ANGPTL3: variants seen among roughly 807,000 people sequenced by gnomAD.
The protein encoded by ANGPTL3 is angiopoietin-related protein 3.
A neutral mutation model predicts 52.7 loss-of-function variants in ANGPTL3; 51 were observed. The ratio of observed to expected loss-of-function variants is 0.97; its 90% CI spans 0.77 to 1.22. ANGPTL3 has a LOEUF of 1.22. ANGPTL3 is among the 50% of genes most tolerant of loss of function. ANGPTL3 has a pLI of 0.00. For synonymous variants in ANGPTL3, 185 were observed against 179.8 expected (o/e 1.03, Z -0.23); for missense variants, 506 against 520.7 (o/e 0.97, Z 0.27).
At chr1:62,598,231 GT>G (rs1250979677) in intron 1 of ANGPTL3, among the ~76,000 whole-genome samples, 170 bp downstream of exon 1, 2 of 151,676 alleles carry the variant, frequency 1.3e-5, no homozygotes, top group Non-Finnish European at 2.9e-5. Flanking sequence ...TTTCAAGTTA[GT>G]TTTTTGTTTC....
Position 62,604,653 on chromosome 1 carries a change from G to T in ANGPTL3, c.1219G>T (p.Glu407Ter). ...GYSGGWWWHDECGENNLNGKY... is the reference protein window; with the variant it reads ...GYSGGWWWHD ...TTTAGGAGGCTGGTGGTGGCATGAT[G>T]AGTGTGGAGAAAACAACCTAAATGG... The change falls in exon 7 of 7, where the codon GAG (glutamate) becomes TAG (stop). Residue 407 changes from glutamate (E) to a stop codon, truncating the protein, a stop_gained. Coordinates refer to ENST00000371129, the MANE Select transcript of ANGPTL3 (RefSeq NM_014495.4). LOFTEE classifies it high-confidence loss of function. 1 of 1,613,186 alleles carries T rather than the reference G, an allele frequency of 6.2e-7. No homozygotes were observed. Among genetic ancestry groups the T allele is most frequent in the Non-Finnish European group, 8.5e-7 (1 of 1,179,348 alleles).
chr1:62,604,463 T>C, intron 6 of ANGPTL3, 170 bp from the exon 7 acceptor site: 1 of 894,828 alleles, frequency 1.1e-6, no homozygotes, highest in Non-Finnish European at 1.7e-6. Context: ...TATAGATTAT[T>C]TATACAGATT....
Position 62,605,796 on chromosome 1 carries a change from T to G in ANGPTL3, c.*979T>G, listed in dbSNP as rs982055993. ...GACCCAGTCCCTAAATTATAGAAAT[T>G]TAAATTATTCTTGCATGTTTATCGA... On this transcript the variant is annotated 3_prime_UTR_variant, in exon 7 of 7. Coordinates refer to ENST00000371129, the MANE Select transcript of ANGPTL3 (RefSeq NM_014495.4). 1.3e-5 allele frequency: 2 copies of G among 152,152 alleles called. No homozygotes were observed. Among genetic ancestry groups the G allele is most frequent in the Admixed American group, 1.3e-4 (2 of 15,254 alleles). The allele number at this position is 152,152 out of a possible 1,614,324, so 9.4% of individuals were successfully genotyped here. A position where few individuals can be genotyped will look rare whatever the true frequency, so the allele number is the denominator to read the frequency against.
chr1:62,604,024 T>C lies in ANGPTL3; in HGVS notation c.987T>C (p.Tyr329=), dbSNP rs747160820. ...KIYSIVKQSN[Y]VLRIELEDWK... Reference sequence around the variant, plus strand: ...ACTCCATAGTGAAGCAATCTAATTATGTTTTACGAATTGAGTTGGAAGACT... The same window carrying C: ...ACTCCATAGTGAAGCAATCTAATTACGTTTTACGAATTGAGTTGGAAGACT... The change falls in exon 6 of 7, where the codon TAT becomes TAC. Residue 329 remains tyrosine, a synonymous_variant. Coordinates refer to ENST00000371129, the MANE Select transcript of ANGPTL3 (RefSeq NM_014495.4). 1 of 1,613,154 alleles carries C rather than the reference T, an allele frequency of 6.2e-7. No individual in the cohort carries two copies.
In ANGPTL3 at chr1:62,597,543, T is replaced by C; in HGVS notation, c.-24T>C. 1 of 1,611,652 alleles carries C rather than the reference T, an allele frequency of 6.2e-7. No homozygotes were observed. Among genetic ancestry groups the C allele is most frequent in the Non-Finnish European group, 8.5e-7 (1 of 1,178,758 alleles). On this transcript the variant is annotated 5_prime_UTR_variant, in exon 1 of 7. Coordinates refer to ENST00000371129, the MANE Select transcript of ANGPTL3 (RefSeq NM_014495.4). ...CCAGAAGAAAACAGTTCCACGTTGC[T>C]TGAAATTGAAAATCAAGATAAAAAT...
In ANGPTL3 at chr1:62,601,817, G is replaced by A. The variant is rs556810307; in HGVS notation, c.770G>A (p.Ser257Asn). 5 of 1,610,230 alleles carry A rather than the reference G, an allele frequency of 3.1e-6. No individual in the cohort carries two copies. In the South Asian group the frequency reaches 4.4e-5, roughly 14 times the overall value. Residue 257 changes from serine to asparagine, a missense_variant, in exon 4 of 7, where the codon AGT (serine) becomes AAT (asparagine). Ser to Asn is a conservative substitution (Grantham distance 46). Transcript: ENST00000371129. The stretch of plus-strand genomic sequence containing the variant: ...ATTTATAACAGAGGTGAACATACAA[G>A]TGGCATGTATGCCATCAGACCCAGC... ...TTIYNRGEHTSGMYAIRPSNS... is the reference protein window; with the variant it reads ...TTIYNRGEHTNGMYAIRPSNS...
At position 62,604,185 on chromosome 1, in the gene ANGPTL3, C is replaced by T. The variant is rs767910330; in HGVS notation, c.1148C>T (p.Thr383Ile). 1.2e-5 allele frequency: 19 copies of T among 1,613,218 alleles called. No individual in the cohort carries two copies. Among genetic ancestry groups the T allele is most frequent in the Admixed American group, 8.3e-5 (5 of 59,924 alleles). ...GAAAACAAAGATTTGGTGTTTTCTA[C>T]TTGGGATCACAAAGCAAAAGGACAC... ...IPENKDLVFS[T>I]WDHKAKGHFN... The change falls in exon 6 of 7, where the codon ACT becomes ATT. Residue 383 changes from threonine to isoleucine, a missense_variant. By Grantham distance (89) the Thr-to-Ile change is moderately conservative. Coordinates refer to ENST00000371129, the MANE Select transcript of ANGPTL3 (RefSeq NM_014495.4).
intron 4 of ANGPTL3, 146 bp from the exon 5 acceptor site, chr1:62,602,139 C>T: frequency 1.4e-6 from 1 of 709,050 alleles, no homozygotes; most frequent in Non-Finnish European, 2.3e-6. Flanking sequence ...ACTTTTGGGA[C>T]CATAATAAAT....
At position 62,601,162 on chromosome 1, in the gene ANGPTL3, T is replaced by G. The variant is rs763969435; in HGVS notation, c.687T>G (p.Leu229=). Reference sequence around the variant, plus strand: ...GAGCACCAAGAACTACTCCCTTTCTTCAGTTGAATGAAATAAGAAATGTAA... The same window carrying G: ...GAGCACCAAGAACTACTCCCTTTCTGCAGTTGAATGAAATAAGAAATGTAA... ...KPRAPRTTPF[L]QLNEIRNVKH... Residue 229 remains leucine (L), a synonymous_variant, in exon 3 of 7, where the codon CTT becomes CTG. Coordinates refer to ENST00000371129, the MANE Select transcript of ANGPTL3 (RefSeq NM_014495.4). 7.1e-5 allele frequency: 115 copies of G among 1,610,076 alleles called. No homozygotes were observed. The highest frequency in any genetic ancestry group is 8.7e-5 in the Non-Finnish European group (102 of 1,177,020).
chr1:62,598,975 T>C (rs1649709496), intron 2 of ANGPTL3, among the ~76,000 whole-genome samples, 169 bp downstream of exon 2: 1 of 152,124 alleles, frequency 6.6e-6, no homozygotes, highest in Admixed American at 6.6e-5. Flanking sequence ...ATTTAAACCA[T>C]GGCTCTAAAA....
intron 2 of ANGPTL3, among the ~76,000 whole-genome samples, chr1:62,599,684 T>C (rs539040092): frequency 2.0e-5 from 3 of 152,172 alleles, no homozygotes; most frequent in African/African-American, 7.2e-5. Context: ...TCTGTTGAAT[T>C]AATAAATGTA....
At chr1:62,604,413 T>C (rs1650638991) in intron 6 of ANGPTL3, 178 bp downstream of exon 6, 2 of 906,524 alleles carry the variant, frequency 2.2e-6, no homozygotes, top group East Asian at 5.3e-5. Flanking sequence ...TCAGGTATTT[T>C]ACCTCTAATC....
At chr1:62,598,516 T>A (rs917986637) in intron 1 of ANGPTL3, among the ~76,000 whole-genome samples, 180 bp from the exon 2 acceptor site, 1 of 152,040 alleles carries the variant, frequency 6.6e-6, no homozygotes, top group African/African-American at 2.4e-5. Context: ...ACAATTTAAA[T>A]AAAATGTTAA....
In ANGPTL3 at chr1:62,604,823, G is replaced by A; in HGVS notation, c.*6G>A. On this transcript the variant is annotated 3_prime_UTR_variant, in exon 7 of 7. Transcript: ENST00000371129. ...ATTCAGAAAGCTTTGAATGAACTGA[G>A]GCAAATTTAAAAGGCAATAATTTAA... 6.2e-7 allele frequency: 1 copy of A among 1,611,968 alleles called. No individual in the cohort carries two copies. Among genetic ancestry groups the A allele is most frequent in the Admixed American group, 1.7e-5 (1 of 59,914 alleles).
intron 1 of ANGPTL3, 68 bp from the exon 2 acceptor site, chr1:62,598,628 G>C: frequency 1.2e-6 from 1 of 830,300 alleles, no homozygotes; most frequent in Non-Finnish European, 2.1e-6. Flanking sequence ...GATTATGATA[G>C]TGTTACAGGA....
intron 6 of ANGPTL3, 119 bp downstream of exon 6, chr1:62,604,354 T>G (rs1258319282): frequency 2.7e-5 from 35 of 1,278,730 alleles, no homozygotes; most frequent in Non-Finnish European, 3.5e-5. Flanking sequence ...GCGTTTTCTC[T>G]CTAGACGAAA....
At position 62,605,755 on chromosome 1, in the gene ANGPTL3, A is replaced by C. The variant is rs1650899111; in HGVS notation, c.*938A>C. The C allele has an allele frequency of 6.6e-6, 1 of 152,402 alleles. No homozygotes were observed. Among genetic ancestry groups the C allele is most frequent in the Non-Finnish European group, 1.5e-5 (1 of 67,916 alleles). The allele number at this position is 152,402 out of a possible 1,614,324, so 9.4% of individuals were successfully genotyped here. On this transcript the variant is annotated 3_prime_UTR_variant, in exon 7 of 7. Transcript: ENST00000371129. The stretch of plus-strand genomic sequence containing the variant: ...CCTGACAAGCATGTATATATGTTTA[A>C]AATTCAATAAACAAAGACCCAGTCC...
At chr1:62,601,718 G>T in intron 3 of ANGPTL3, 51 bp from the exon 4 acceptor site, 1 of 1,257,402 alleles carries the variant, frequency 8.0e-7, no homozygotes, top group Non-Finnish European at 1.2e-6. Flanking sequence ...AAGCTCCAAA[G>T]ATATTATTCC....
intron 4 of ANGPTL3, among the ~76,000 whole-genome samples, 175 bp downstream of exon 4, chr1:62,602,057 C>G (rs1420974943): frequency 6.6e-6 from 1 of 151,340 alleles, no homozygotes; most frequent in Non-Finnish European, 1.5e-5. Context: ...TCTCCTTTTC[C>G]TCTAAAATAA....
Sources: allele counts gnomAD v4.1 joint callset (sites outside exome capture counted in the v4.1 genomes callset), GRCh38; gene constraint gnomAD v4.1.1; transcripts MANE v1.5; gene names NCBI Gene and HGNC (gene_info 2026-07-23, HGNC 2026-07-21).